The following SH3KBP1 variants were observed in gnomAD, a reference collection of about 807,000 sequenced individuals.
The protein encoded by SH3KBP1 is SH3 domain-containing kinase-binding protein 1.
In SH3KBP1, 8 loss-of-function variants were observed where a neutral mutation model predicts 50.1. That is an observed-to-expected ratio of 0.16 (90% CI 0.09 to 0.29). The LOEUF is 0.29. SH3KBP1 is among the 10% of genes least tolerant of loss of function. The probability of loss-of-function intolerance (pLI) is 1.00; values close to 1 mark genes in which losing one functional copy is unlikely to be tolerated. For missense variants in SH3KBP1, 377 were observed against 535.2 expected, an observed-to-expected ratio of 0.70 and a Z score of 2.92; for synonymous variants, 227 against 218.6, an observed-to-expected ratio of 1.04 and a Z score of -0.34.
intron 3 of SH3KBP1, among the ~76,000 whole-genome samples, chrX:19,745,345 GA>G (rs1294320082): frequency 8.9e-6 from 1 of 112,409 alleles, no homozygotes; most frequent in Non-Finnish European, 1.9e-5. Context: ...GGCAGTAGAG[GA>G]AGAGACAGAA....
intron 5 of SH3KBP1, among the ~76,000 whole-genome samples, chrX:19,684,465 T>C (rs753567157): frequency 2.7e-5 from 3 of 112,007 alleles, no homozygotes; most frequent in Admixed American, 1.9e-4. Flanking sequence ...GCAATGAAAG[T>C]AACATTTCCT....
chrX:19,654,225 T>G (rs1288522612), intron 6 of SH3KBP1, among the ~76,000 whole-genome samples: 1 of 111,854 alleles, frequency 8.9e-6, no homozygotes, highest in Non-Finnish European at 1.9e-5. Context: ...ATTTGCTTGC[T>G]TTTTGAACAC....
intron 2 of SH3KBP1, among the ~76,000 whole-genome samples, chrX:19,761,173 G>T (rs1394973699): frequency 1.5e-5 from 1 of 67,781 alleles, no homozygotes; most frequent in Admixed American, 1.7e-4. Context: ...AGGGGGGAGG[G>T]GAGGGGGGAG....
At chrX:19,692,404 T>C (rs192429803) in intron 5 of SH3KBP1, among the ~76,000 whole-genome samples, 125 of 110,566 alleles carry the variant, frequency 1.1e-3, no homozygotes, top group Non-Finnish European at 7.4e-4. Flanking sequence ...ACACCTACCA[T>C]GTGTCAAGCA....
At chrX:19,638,499 A>C (rs761674586) in intron 7 of SH3KBP1, among the ~76,000 whole-genome samples, 20 of 110,824 alleles carry the variant, frequency 1.8e-4, no homozygotes, top group African/African-American at 6.3e-4. Context: ...TTGTAAAAAT[A>C]GATCAACTGG....
intron 3 of SH3KBP1, chrX:19,740,897 G>C (rs2064747678): frequency 9.4e-6 from 2 of 212,279 alleles, no homozygotes; most frequent in Non-Finnish European, 1.9e-5. Context: ...CCCCTTCAGG[G>C]GAAGTGGGGA....
chrX:19,836,490 C>A (rs1282897834), intron 1 of SH3KBP1, among the ~76,000 whole-genome samples: 2 of 111,959 alleles, frequency 1.8e-5, no homozygotes, highest in African/African-American at 6.5e-5. Context: ...TGGTCAGGCA[C>A]AGGCAGGGTG....
At chrX:19,843,226 G>A (rs1428623609) in intron 1 of SH3KBP1, among the ~76,000 whole-genome samples, 2 of 108,817 alleles carry the variant, frequency 1.8e-5, no homozygotes, top group East Asian at 5.8e-4. Context: ...CACCATGTTG[G>A]TCAGGCTGGT....
At chrX:19,803,066 G>C (rs2147244807) in intron 2 of SH3KBP1, among the ~76,000 whole-genome samples, 1 of 111,121 alleles carries the variant, frequency 9.0e-6, no homozygotes, top group South Asian at 3.8e-4. Context: ...TGCACTGGCA[G>C]CTTCCACAAC....
intron 6 of SH3KBP1, among the ~76,000 whole-genome samples, chrX:19,679,602 C>T (rs2063000393): frequency 9.0e-6 from 1 of 111,644 alleles, no homozygotes; most frequent in South Asian, 3.8e-4. Context: ...ACATGTTTCT[C>T]CAAGGTTCTT....
intron 12 of SH3KBP1, among the ~76,000 whole-genome samples, chrX:19,573,523 G>A: frequency 8.9e-6 from 1 of 111,963 alleles, no homozygotes; most frequent in East Asian, 2.8e-4. Context: ...CTGACCGCAA[G>A]TGATCTGGCC....
chrX:19,771,695 C>T (rs1396442429), intron 2 of SH3KBP1, among the ~76,000 whole-genome samples: 1 of 109,754 alleles, frequency 9.1e-6, no homozygotes, highest in Admixed American at 9.7e-5. Flanking sequence ...GAAATCCCAT[C>T]TCTACTAAAA....
chrX:19,838,886 CAAAAAAAAAAAAA>C (rs1187740894), intron 1 of SH3KBP1, among the ~76,000 whole-genome samples: 1 of 30,074 alleles, frequency 3.3e-5, no homozygotes, highest in Non-Finnish European at 7.2e-5. Context: ...AACTTTGTCT[CAAAAAAAAAAAAA>C]AAAAAAAGAA....
At chrX:19,810,249 G>A (rs185064960) in intron 2 of SH3KBP1, among the ~76,000 whole-genome samples, 11 of 112,376 alleles carry the variant, frequency 9.8e-5, no homozygotes, top group Non-Finnish European at 1.9e-4. Context: ...TTAGCAAAGC[G>A]AGTGACTTGC....
intron 12 of SH3KBP1, among the ~76,000 whole-genome samples, chrX:19,570,468 G>A (rs908846125): frequency 8.9e-6 from 1 of 111,902 alleles, no homozygotes; most frequent in African/African-American, 3.2e-5. Flanking sequence ...ACAGGACAAA[G>A]GCTGGCAAGG....
chrX:19,567,509 A>G (rs1361466033), intron 13 of SH3KBP1, among the ~76,000 whole-genome samples: 5 of 67,432 alleles, frequency 7.4e-5, no homozygotes, highest in African/African-American at 2.5e-4. Context: ...ACAGAGCAAG[A>G]CTCCATCTCA....
chrX:19,739,015 A>G (rs371831568), intron 3 of SH3KBP1, among the ~76,000 whole-genome samples: 164 of 62,803 alleles, frequency 2.6e-3, no homozygotes, highest in African/African-American at 6.9e-3. Context: ...TGCCTCCAAG[A>G]AAAAAAAAAA....
rs201622971 is a variant in SH3KBP1, at chrX:19,823,835, GT to G, written c.162+12289del. On this transcript the variant is annotated intron_variant, in intron 2 of 17. Transcript: ENST00000397821. ...GTATTAATTCTCTTTGGTTTTTTTT[GT>G]TTTTTGAGATAGTCTCACTCTGTTG... 6.0e-3 allele frequency among the ~76,000 whole-genome samples: 665 copies of G among 111,347 alleles called. 7 individuals are homozygous for G. The highest frequency in any genetic ancestry group is 0.02 in the African/African-American group (607 of 30,642).
chrX:19,861,004 G>C, intron 1 of SH3KBP1, among the ~76,000 whole-genome samples: 1 of 111,421 alleles, frequency 9.0e-6, no homozygotes, highest in Non-Finnish European at 1.9e-5. Context: ...TGGGACGCTG[G>C]GAAAGGGATA....
Sources: gnomAD v4.1 joint callset for allele counts (sites outside exome capture counted in the v4.1 genomes callset) on GRCh38, gnomAD v4.1.1 for gene constraint, MANE v1.5 for transcripts, NCBI Gene and HGNC (gene_info 2026-07-23, HGNC 2026-07-21) for gene names.